The following MYH13 variants were observed in gnomAD, a reference collection of about 807,000 sequenced individuals.
The protein encoded by MYH13 is myosin-13.
A neutral mutation model predicts 232.1 loss-of-function variants in MYH13; 177 were observed. That is an observed-to-expected ratio of 0.76 (90% confidence interval 0.67 to 0.86). The LOEUF (loss-of-function observed/expected upper bound fraction) is 0.86. Among genes scored for constraint, MYH13 ranks in the 40% least tolerant of loss-of-function variants. MYH13 has a pLI of 0.00. For synonymous variants in MYH13, 884 were observed against 923.5 expected (o/e 0.96, Z 0.78); for missense variants, 2,246 against 2,405.9 (o/e 0.93, Z 1.39).
rs370036604 is a variant in MYH13 at position 10,345,482 on chromosome 17, G to T, written c.1398C>A (p.Gly466=). The part of the protein sequence containing the change: ...QYFIGVLDIA[G]FEIFDFNSLE... Reference sequence around the variant, plus strand: ...CACAACTCACATCAAAGATCTCAAAGCCAGCAATGTCCAAGACCCCGATGA... The same window carrying T: ...CACAACTCACATCAAAGATCTCAAATCCAGCAATGTCCAAGACCCCGATGA... Residue 466 remains glycine, a synonymous_variant, in exon 14 of 41, where the codon GGC becomes GGA. Transcript: ENST00000252172. 1.2e-6 allele frequency: 2 copies of T among 1,614,008 alleles called. No homozygotes were observed. Among genetic ancestry groups the T allele is most frequent in the Non-Finnish European group, 1.7e-6 (2 of 1,180,030 alleles).
chr17:10,330,878 G>C (rs932003567), intron 20 of MYH13, among the ~76,000 whole-genome samples: 1 of 151,976 alleles, frequency 6.6e-6, no homozygotes, highest in South Asian at 2.1e-4. Flanking sequence ...TTATCCGGGC[G>C]TGGTGGTGGG....
intron 23 of MYH13, 78 bp downstream of exon 23, chr17:10,323,944 C>A: frequency 1.3e-6 from 2 of 1,557,426 alleles, no homozygotes; most frequent in South Asian, 1.2e-5. Flanking sequence ...TGGACTCCTA[C>A]GCCACCCTTT....
At chr17:10,327,749 G>T (rs901878314) in intron 22 of MYH13, 117 bp downstream of exon 22, 2 of 1,313,444 alleles carry the variant, frequency 1.5e-6, no homozygotes, top group Non-Finnish European at 1.0e-6. Flanking sequence ...TACTCCACAT[G>T]ACCACTGGGT....
Position 10,303,476 on chromosome 17 carries a change from A to C in MYH13, c.5489T>G (p.Leu1830Arg), listed in dbSNP as rs1486076943. The part of the protein sequence containing the change: ...ENRVRELENE[L>R]DVEQKRGAEA... ...AGCTCCCCTCTTCTGTTCCACATCA[A>C]GCTCATTTTCCAGCTCCCGCACCTG... Residue 1830 changes from leucine to arginine, a missense_variant, in exon 38 of 41, where the codon CTT becomes CGT. Leu to Arg is a moderately radical substitution (Grantham distance 102). Coordinates refer to ENST00000252172, the MANE Select transcript of MYH13 (RefSeq NM_003802.3). The C allele has an allele frequency of 6.2e-7, 1 of 1,613,888 alleles. No individual in the cohort carries two copies. The highest frequency in any genetic ancestry group is 8.5e-7 in the Non-Finnish European group (1 of 1,179,872).
At position 10,359,970 on chromosome 17, in the gene MYH13, C is replaced by G; in HGVS notation, c.635G>C (p.Gly212Ala). ...TGDKKKETQP[G>A]KMQGTLEDQI... is the part of the protein sequence containing the mutation. ...GGTGGGGCTGCTCACCTGCATTTTG[C>G]CTGGCTGTGTCTCCTTCTTCTTGTC... is the stretch of plus-strand genomic sequence containing the variant. The change falls in exon 7 of 41, where the codon GGC (glycine) becomes GCC (alanine). Residue 212 changes from glycine (G) to alanine (A), a missense_variant. By Grantham distance (60) the Gly-to-Ala change is moderately conservative. Coordinates refer to ENST00000252172, the MANE Select transcript of MYH13 (RefSeq NM_003802.3). 1 of 1,613,432 alleles carries G rather than the reference C, an allele frequency of 6.2e-7. No homozygotes were observed. Among genetic ancestry groups the G allele is most frequent in the Non-Finnish European group, 8.5e-7 (1 of 1,179,868 alleles).
In MYH13 at chr17:10,309,419, C is replaced by T. The variant is rs1197798249; in HGVS notation, c.4984G>A (p.Asp1662Asn). 2 of 1,604,378 alleles carry T rather than the reference C, an allele frequency of 1.2e-6. No homozygotes were observed. The highest frequency in any genetic ancestry group is 8.5e-7 in the Non-Finnish European group (1 of 1,175,156). ...TCCTCATTGCTCCTCAGGGCGTCATCGAGATGCAGCTGGGAGTCCTGCAGG... is the reference window on the plus strand; with the variant it reads ...TCCTCATTGCTCCTCAGGGCGTCATTGAGATGCAGCTGGGAGTCCTGCAGG... ...GQLKDSQLHL[D>N]DALRSNEDLK... Residue 1662 changes from aspartate to asparagine, a missense_variant, in exon 35 of 41, where the codon GAT becomes AAT. Asp to Asn is a conservative substitution (Grantham distance 23). Transcript: ENST00000252172.
Position 10,340,163 on chromosome 17 carries a change from C to T in MYH13, c.2043G>A (p.Glu681=). Residue 681 remains glutamate (E), a synonymous_variant, in exon 18 of 41, where the codon GAG becomes GAA. Transcript: ENST00000252172. ...GCTGGTACTCACCAGGAGTCTTGGT[C>T]TCATTGGGAATCAGACATCGTACAA... ...PHFVRCLIPN[E]TKTPGVMDHY... is the part of the protein sequence containing the mutation. 1.9e-6 allele frequency: 3 copies of T among 1,613,600 alleles called. No homozygotes were observed. The highest frequency in any genetic ancestry group is 2.5e-6 in the Non-Finnish European group (3 of 1,179,704).
At position 10,316,032 on chromosome 17, in the gene MYH13, C is replaced by T. The variant is rs747200069; in HGVS notation, c.3739-7G>A. On this transcript the variant is annotated splice_polypyrimidine_tract_variant and splice_region_variant and intron_variant, in intron 27 of 40. Transcript: ENST00000252172. ...ACGTTCTTTCTATGTTACTCTTTAACAAACAGAAAGTCAACACGAATGGGA... is the reference window on the plus strand; with the variant it reads ...ACGTTCTTTCTATGTTACTCTTTAATAAACAGAAAGTCAACACGAATGGGA... 1.2e-6 allele frequency: 2 copies of T among 1,613,926 alleles called. No individual in the cohort carries two copies. Among genetic ancestry groups the T allele is most frequent in the Non-Finnish European group, 8.5e-7 (1 of 1,179,844 alleles).
At position 10,347,707 on chromosome 17, in the gene MYH13, TA is replaced by T. The variant is rs2071676571; in HGVS notation, c.1145-910del. Among the ~76,000 whole-genome samples, 3 of 132,294 alleles carry T rather than the reference TA, an allele frequency of 2.3e-5. 1 individual carries two copies. Among genetic ancestry groups the T allele is most frequent in the South Asian group, 2.6e-4 (1 of 3,796 alleles). The allele number at this position is 132,294 out of a possible 152,430, so 86.8% of individuals were successfully genotyped here. On this transcript the variant is annotated intron_variant, in intron 12 of 40. Coordinates refer to ENST00000252172, the MANE Select transcript of MYH13 (RefSeq NM_003802.3). ...CAGAGAAATGCTGCTCCCCAGGGAC[TA>T]CTTCTTTTTTTTTTTTTTTTTTTTT...
intron 8 of MYH13, among the ~76,000 whole-genome samples, chr17:10,356,299 G>A (rs1345905080): frequency 1.3e-5 from 2 of 152,090 alleles, no homozygotes; most frequent in Non-Finnish European, 2.9e-5. Context: ...CTTAACAGAA[G>A]ACAATGGAAG....
intron 23 of MYH13, among the ~76,000 whole-genome samples, chr17:10,322,283 A>G (rs953420293): frequency 6.6e-6 from 1 of 152,148 alleles, no homozygotes; most frequent in Non-Finnish European, 1.5e-5. Flanking sequence ...CTGTAGTCCC[A>G]GCTACTCAGG....
intron 16 of MYH13, among the ~76,000 whole-genome samples, chr17:10,342,979 A>G (rs540507146): frequency 6.6e-6 from 1 of 151,806 alleles, no homozygotes; most frequent in East Asian, 2.0e-4. Context: ...AGTCCCAGCT[A>G]CTTGGGAGGC....
chr17:10,303,052 G>A (rs1204922398), intron 39 of MYH13, 144 bp downstream of exon 39: 4 of 691,324 alleles, frequency 5.8e-6, no homozygotes, highest in Non-Finnish European at 1.0e-5. Context: ...AGAGGAAGAG[G>A]GCAGTTGTCT....
intron 29 of MYH13, among the ~76,000 whole-genome samples, chr17:10,314,383 C>G (rs1906627569): frequency 6.6e-6 from 1 of 151,516 alleles, no homozygotes; most frequent in South Asian, 2.1e-4. Flanking sequence ...CCATTGCACT[C>G]CAGCCTGGGC....
chr17:10,311,988 A>G lies in MYH13; in HGVS notation c.4454T>C (p.Leu1485Pro). 6.2e-7 allele frequency: 1 copy of G among 1,614,002 alleles called. No individual in the cohort carries two copies. The highest frequency in any genetic ancestry group is 8.5e-7 in the Non-Finnish European group (1 of 1,179,892). Residue 1485 changes from leucine to proline, a missense_variant, in exon 32 of 41, where the codon CTC becomes CCC. Transcript: ENST00000252172. ...CTCATAGGCATTCCTCATCTTGAAGAGTTCAGTGCTGAGTGACCTGGACTC... is the reference window on the plus strand; with the variant it reads ...CTCATAGGCATTCCTCATCTTGAAGGGTTCAGTGCTGAGTGACCTGGACTC... ...QKESRSLSTE[L>P]FKMRNAYEEV...
intron 2 of MYH13, among the ~76,000 whole-genome samples, chr17:10,370,648 G>A (rs12165041): frequency 0.16 from 24,746 of 152,088 alleles, 2,465 homozygotes; most frequent in Non-Finnish European, 0.23. Flanking sequence ...GAATTTCACC[G>A]CTACTGTGTC....
At chr17:10,326,992 T>G (rs1300351596) in intron 22 of MYH13, among the ~76,000 whole-genome samples, 3 of 28,360 alleles carry the variant, frequency 1.1e-4, no homozygotes, top group South Asian at 2.3e-3. Context: ...TTTTTTTTTT[T>G]TTTTTTTTTT....
rs201284117 is a variant in MYH13 at position 10,314,463 on chromosome 17, A to AAACTC, written c.3985-1114_3985-1110dup. Among the ~76,000 whole-genome samples the AAACTC allele has an allele frequency of 2.2e-3, 328 of 151,882 alleles. 3 individuals carry two copies. The East Asian group carries it at 0.025, about 12-fold the overall frequency. On this transcript the variant is annotated intron_variant, in intron 29 of 40. Coordinates refer to ENST00000252172, the MANE Select transcript of MYH13 (RefSeq NM_003802.3). ...AATGACACACTTTGCCTAAGAAGGA[A>AAACTC]AACTCAGCTGTTGCTGTATTCTTGC...
At chr17:10,358,622 A>G (rs954627446) in intron 7 of MYH13, among the ~76,000 whole-genome samples, 1 of 152,052 alleles carries the variant, frequency 6.6e-6, no homozygotes, top group African/African-American at 2.4e-5. Flanking sequence ...CTAGCCAGGC[A>G]TGGTGGTTCC....
Sources: gnomAD v4.1 joint callset for allele counts (sites outside exome capture counted in the v4.1 genomes callset) on GRCh38, gnomAD v4.1.1 for gene constraint, MANE v1.5 for transcripts, NCBI Gene and HGNC (gene_info 2026-07-23, HGNC 2026-07-21) for gene names.